Variants in KLRG1 observed in about 807,000 individuals in gnomAD.
The protein encoded by KLRG1 is killer cell lectin like receptor G1.
A neutral mutation model predicts 21.8 loss-of-function variants in KLRG1; 16 were observed. The ratio of observed to expected loss-of-function variants is 0.73; its 90% CI spans 0.50 to 1.11. KLRG1 has a LOEUF of 1.11. Among genes scored for constraint, KLRG1 ranks in the 50% most tolerant of loss-of-function variants. The pLI is 0.00. For synonymous variants in KLRG1, 69 were observed against 75.9 expected (o/e 0.91, Z 0.47); for missense variants, 173 against 218.3 (o/e 0.79, Z 1.31).
chr12:9,114,516 A>T, the KLRG1 span, among the ~76,000 whole-genome samples: 3 of 152,158 alleles, frequency 2.0e-5, no homozygotes, highest in Non-Finnish European at 4.4e-5. Context: ...AAAGTACATT[A>T]AAAAATTCTT....
At chr12:9,150,132 A>G in the KLRG1 span, among the ~76,000 whole-genome samples, 11 of 152,278 alleles carry the variant, frequency 7.2e-5, no homozygotes, top group South Asian at 2.1e-4. Context: ...CTTTCCTGTT[A>G]TGTAATATTT....
chr12:9,028,107 A>G, the KLRG1 span: 2 of 969,328 alleles, frequency 2.1e-6, no homozygotes, highest in South Asian at 2.6e-5. Flanking sequence ...AATTTTTCCA[A>G]ACTGTTCAAA....
chr12:9,075,272 T>A, the KLRG1 span, among the ~76,000 whole-genome samples: 57,510 of 151,990 alleles, frequency 0.38, 11,625 homozygotes, highest in African/African-American at 0.49. Flanking sequence ...TGGGAACCAA[T>A]ATACACTGCT....
At chr12:9,093,908 C>A in the KLRG1 span, among the ~76,000 whole-genome samples, 1 of 151,754 alleles carries the variant, frequency 6.6e-6, no homozygotes. Flanking sequence ...AACAAACAAA[C>A]AAACAAACAA....
the KLRG1 span, chr12:9,127,940 C>T: frequency 2.9e-6 from 1 of 342,774 alleles, no homozygotes. Flanking sequence ...CCATTGAGAA[C>T]TCCCGGATTG....
chr12:9,139,133 T>C, the KLRG1 span, among the ~76,000 whole-genome samples: 1 of 152,152 alleles, frequency 6.6e-6, no homozygotes, highest in Non-Finnish European at 1.5e-5. Context: ...TATTTTTGTT[T>C]TCATTTGTAT....
the KLRG1 span, chr12:9,080,056 C>G: frequency 7.7e-7 from 1 of 1,301,188 alleles, no homozygotes; most frequent in Non-Finnish European, 1.1e-6. Flanking sequence ...ATAATAGAAG[C>G]TGTTAATGCC....
the KLRG1 span, among the ~76,000 whole-genome samples, chr12:9,134,331 A>G: frequency 2.6e-5 from 4 of 152,156 alleles, no homozygotes; most frequent in African/African-American, 7.2e-5. Context: ...ACTAATGCCT[A>G]TACACCCATA....
the KLRG1 span, chr12:9,076,640 T>C: frequency 1.4e-4 from 120 of 875,784 alleles, no homozygotes; most frequent in Middle Eastern, 6.4e-4. Context: ...ATATATATGA[T>C]ATATAGAAAA....
the KLRG1 span, chr12:9,104,345 C>G: frequency 3.1e-6 from 5 of 1,607,912 alleles, no homozygotes; most frequent in Non-Finnish European, 4.2e-6. Flanking sequence ...TTCATTTCCT[C>G]TGATGAATAT....
At chr12:9,190,187 G>T in the KLRG1 span, among the ~76,000 whole-genome samples, 1 of 152,176 alleles carries the variant, frequency 6.6e-6, no homozygotes, top group African/African-American at 2.4e-5. Flanking sequence ...AAAGACACAT[G>T]CACACATATG....
At chr12:8,977,511 G>A (rs1405369007) in intron 1 of KLRG1, among the ~76,000 whole-genome samples, 2 of 151,938 alleles carry the variant, frequency 1.3e-5, no homozygotes, top group Non-Finnish European at 2.9e-5. Context: ...ACCACACCTG[G>A]CCTAGATCTT....
At chr12:8,950,652 G>T (rs1805754) in intron 1 of KLRG1, among the ~76,000 whole-genome samples, 105,207 of 151,718 alleles carry the variant, frequency 0.69, 38,375 homozygotes, top group Non-Finnish European at 0.81. Context: ...CTGGATTTTT[G>T]ATTCTTACCC....
At chr12:9,007,628 CAA>C (rs1337365630) in intron 3 of KLRG1, among the ~76,000 whole-genome samples, 15 of 152,102 alleles carry the variant, frequency 9.9e-5, no homozygotes, top group Admixed American at 9.8e-4. Flanking sequence ...TCCAAGTAGG[CAA>C]AGAGACAGTT....
At chr12:9,087,582 C>T in the KLRG1 span, among the ~76,000 whole-genome samples, 1 of 152,026 alleles carries the variant, frequency 6.6e-6, no homozygotes. Flanking sequence ...TTTTTGGGAT[C>T]TATTGCACAG....
chr12:9,101,385 T>C, the KLRG1 span: 1 of 1,432,308 alleles, frequency 7.0e-7, no homozygotes, highest in Non-Finnish European at 9.7e-7. Context: ...AGCTTCATGA[T>C]TACTTGCTCC....
At chr12:9,122,476 CT>C in the KLRG1 span, among the ~76,000 whole-genome samples, 3 of 152,134 alleles carry the variant, frequency 2.0e-5, no homozygotes, top group Non-Finnish European at 4.4e-5. Flanking sequence ...GCCAACTTTA[CT>C]TAATTACTCA....
the KLRG1 span, chr12:9,196,876 C>T: frequency 1.9e-5 from 15 of 798,848 alleles, no homozygotes; most frequent in African/African-American, 1.9e-4. Flanking sequence ...ATCTTGTTGA[C>T]TAAGAACAGA....
At chr12:8,980,273 T>C (rs1946733232) in intron 1 of KLRG1, among the ~76,000 whole-genome samples, 1 of 152,154 alleles carries the variant, frequency 6.6e-6, no homozygotes, top group East Asian at 1.9e-4. Flanking sequence ...GTTGAACTTC[T>C]AGTTTTGTTA....
Sources: allele counts gnomAD v4.1 joint callset (sites outside exome capture counted in the v4.1 genomes callset), GRCh38; gene constraint gnomAD v4.1.1; transcripts MANE v1.5; gene names NCBI Gene and HGNC (gene_info 2026-07-23, HGNC 2026-07-21).